The following ARHGDIB variants were observed in gnomAD, a reference collection of about 807,000 sequenced individuals.
ARHGDIB encodes rho GDP-dissociation inhibitor 2.
Under a neutral mutation model 22.6 loss-of-function variants are expected in ARHGDIB, and 20 were observed. The ratio of observed to expected loss-of-function variants is 0.88; its 90% CI spans 0.62 to 1.28. The LOEUF (loss-of-function observed/expected upper bound fraction) is 1.28. Ranked by LOEUF, ARHGDIB falls within the 50% of genes most tolerant of loss-of-function variation. The pLI is 0.00. For synonymous variants in ARHGDIB, 114 were observed against 96.1 expected, an observed-to-expected ratio of 1.19 and a Z score of -1.09; for missense variants, 254 against 245.4, an observed-to-expected ratio of 1.04 and a Z score of -0.23.
At chr12:14,958,132 T>A (rs541128038) in intron 1 of ARHGDIB, among the ~76,000 whole-genome samples, 9 of 152,320 alleles carry the variant, frequency 5.9e-5, no homozygotes, top group Middle Eastern at 3.4e-3. Flanking sequence ...TTGAATGTGC[T>A]GTGCTGCTTG....
chr12:14,960,497 T>C (rs1864387748), intron 1 of ARHGDIB, among the ~76,000 whole-genome samples: 1 of 152,192 alleles, frequency 6.6e-6, no homozygotes, highest in African/African-American at 2.4e-5. Context: ...AGGGCTATTA[T>C]CATTATTAAT....
chr12:14,953,350 A>G (rs1864225124), intron 1 of ARHGDIB, among the ~76,000 whole-genome samples: 2 of 152,232 alleles, frequency 1.3e-5, no homozygotes, highest in Non-Finnish European at 2.9e-5. Flanking sequence ...GATTAGAAAG[A>G]GTAATAATAC....
rs550309820 is a variant in ARHGDIB at position 14,942,441 on chromosome 12, G to T, written c.*81C>A. 229 of 1,475,938 alleles carry T rather than the reference G, an allele frequency of 1.6e-4. 3 individuals carry two copies. In the South Asian group the frequency reaches 2.5e-3, roughly 16 times the overall value. The allele number at this position is 1,475,938 out of a possible 1,614,324, so 91.4% of individuals were successfully genotyped here. On this transcript the variant is annotated 3_prime_UTR_variant, in exon 6 of 6. Coordinates refer to ENST00000228945, the MANE Select transcript of ARHGDIB (RefSeq NM_001175.7). The stretch of plus-strand genomic sequence containing the variant: ...AGTGTTGAAGAGGGACCCAGCTGTG[G>T]ACAGGGAGGAGGGACAGGGTGCTGA...
rs1012961622 is a variant in ARHGDIB, at chr12:14,942,652, A to G, written c.476T>C (p.Val159Ala). The stretch of plus-strand genomic sequence containing the variant: ...CAGCATGCCCTTGGGAGCCTCCTCA[A>G]CTGGAGTGAGGAACTCATACTCCTC... ...RPEEYEFLTP[V>A]EEAPKGMLAR... The change falls in exon 6 of 6, where the codon GTT (valine) becomes GCT (alanine). Residue 159 changes from valine (V) to alanine (A), a missense_variant. Physicochemically the swap from Val to Ala is moderately conservative, Grantham distance 64. Transcript: ENST00000228945. 4 of 1,614,128 alleles carry G rather than the reference A, an allele frequency of 2.5e-6. No individual in the cohort carries two copies. The highest frequency in any genetic ancestry group is 2.2e-5 in the East Asian group (1 of 44,878).
chr12:14,958,003 C>T (rs1009377333), intron 1 of ARHGDIB, among the ~76,000 whole-genome samples: 7 of 152,218 alleles, frequency 4.6e-5, no homozygotes, highest in African/African-American at 1.7e-4. Flanking sequence ...GCTACCTCCA[C>T]TTTCCCTGCT....
chr12:14,958,221 C>G (rs1272706961), intron 1 of ARHGDIB, among the ~76,000 whole-genome samples: 1 of 152,156 alleles, frequency 6.6e-6, no homozygotes, highest in Non-Finnish European at 1.5e-5. Context: ...GGATTCCACC[C>G]TCTCCCCACC....
intron 4 of ARHGDIB, 98 bp downstream of exon 4, chr12:14,947,771 GAAAC>G: frequency 9.4e-7 from 1 of 1,066,278 alleles, no homozygotes. Flanking sequence ...TACTAGGGGA[GAAAC>G]AAACAAAAAG....
At chr12:14,949,755 T>G in intron 3 of ARHGDIB, 47 bp downstream of exon 3, 1 of 1,578,546 alleles carries the variant, frequency 6.3e-7, no homozygotes, top group Non-Finnish European at 8.7e-7. Context: ...AAGTTTTCTT[T>G]GTGATATCTT....
chr12:14,947,694 G>A (rs890539265), intron 4 of ARHGDIB, 179 bp downstream of exon 4: 41 of 575,672 alleles, frequency 7.1e-5, no homozygotes, highest in Non-Finnish European at 8.3e-5. Flanking sequence ...AAGACAGGAG[G>A]CAAACGTGGG....
intron 4 of ARHGDIB, among the ~76,000 whole-genome samples, chr12:14,945,244 A>G (rs920832253): frequency 2.0e-5 from 3 of 152,230 alleles, no homozygotes; most frequent in African/African-American, 7.2e-5. Context: ...AATAGAGCAC[A>G]TTATGTAAAT....
At chr12:14,951,636 C>T (rs1852996065) in intron 1 of ARHGDIB, among the ~76,000 whole-genome samples, 1 of 151,502 alleles carries the variant, frequency 6.6e-6, no homozygotes, top group South Asian at 2.1e-4. Flanking sequence ...TATAAGGCCC[C>T]ACCTGGGCAT....
intron 3 of ARHGDIB, among the ~76,000 whole-genome samples, chr12:14,949,172 C>T (rs554551468): frequency 6.6e-6 from 1 of 152,132 alleles, no homozygotes; most frequent in East Asian, 1.9e-4. Flanking sequence ...CATATCCCCT[C>T]TGATGCCCAT....
At chr12:14,950,315 G>A (rs1039764402) in intron 2 of ARHGDIB, among the ~76,000 whole-genome samples, 7 of 152,160 alleles carry the variant, frequency 4.6e-5, no homozygotes, top group African/African-American at 1.7e-4. Flanking sequence ...CCCTCTGTGT[G>A]TTATGTGTGC....
intron 4 of ARHGDIB, among the ~76,000 whole-genome samples, chr12:14,945,059 A>T (rs1352844766): frequency 1.3e-5 from 2 of 152,218 alleles, no homozygotes; most frequent in Non-Finnish European, 2.9e-5. Flanking sequence ...TTAATTATCG[A>T]ACATTTTGAT....
At chr12:14,943,049 G>T (rs1018611242) in intron 5 of ARHGDIB, among the ~76,000 whole-genome samples, 5 of 151,994 alleles carry the variant, frequency 3.3e-5, no homozygotes, top group Non-Finnish European at 7.4e-5. Flanking sequence ...TGTATTTTTA[G>T]TAGAGACGGG....
At position 14,942,606 on chromosome 12, in the gene ARHGDIB, G is replaced by C; in HGVS notation, c.522C>G (p.Asn174Lys). The change falls in exon 6 of 6, where the codon AAC becomes AAG. Residue 174 changes from asparagine to lysine, a missense_variant. By Grantham distance (94) the Asn-to-Lys change is moderately conservative. Coordinates refer to ENST00000228945, the MANE Select transcript of ARHGDIB (RefSeq NM_001175.7). ...KGMLARGTYH[N>K]KSFFTDDDKQ... ...TGTCATCGTCGGTGAAGAAGGACTTGTTGTGGTACGTGCCTCGCGCCAGCA... is the reference window on the plus strand; with the variant it reads ...TGTCATCGTCGGTGAAGAAGGACTTCTTGTGGTACGTGCCTCGCGCCAGCA... The C allele has an allele frequency of 1.2e-6, 2 of 1,614,180 alleles. No individual in the cohort carries two copies. Among genetic ancestry groups the C allele is most frequent in the Non-Finnish European group, 1.7e-6 (2 of 1,180,010 alleles).
chr12:14,950,975 G>C, intron 1 of ARHGDIB: 1 of 298,952 alleles, frequency 3.3e-6, no homozygotes, highest in Non-Finnish European at 6.2e-6. Context: ...AAACTGACAA[G>C]AAAGAAATCA....
In ARHGDIB at chr12:14,947,928, T is replaced by C; in HGVS notation, c.287A>G (p.Lys96Arg). The C allele has an allele frequency of 1.2e-6, 2 of 1,612,846 alleles. No homozygotes were observed. The highest frequency in any genetic ancestry group is 1.7e-6 in the Non-Finnish European group (2 of 1,178,806). ...ACCTTCCTTTAACACAATGGTTTCC[T>C]TTTTGAGGGCTTCCAGATCTCCTGT... ...DLTGDLEALKKETIVLKEGSE... is the reference protein window; with the variant it reads ...DLTGDLEALKRETIVLKEGSE... The change falls in exon 4 of 6, where the codon AAG becomes AGG. Residue 96 changes from lysine to arginine, a missense_variant. Transcript: ENST00000228945.
intron 3 of ARHGDIB, 55 bp downstream of exon 3, chr12:14,949,747 G>C (rs28683560): frequency 0.2 from 307,973 of 1,552,846 alleles, 32,781 homozygotes; most frequent in Admixed American, 0.23. Flanking sequence ...CAGAGACCAA[G>C]TTTTCTTTGT....
Sources: allele counts gnomAD v4.1 joint callset (sites outside exome capture counted in the v4.1 genomes callset), GRCh38; gene constraint gnomAD v4.1.1; transcripts MANE v1.5; gene names NCBI Gene and HGNC (gene_info 2026-07-23, HGNC 2026-07-21).